SLC39A11: variants seen among roughly 807,000 people sequenced by gnomAD.
The protein encoded by SLC39A11 is zinc transporter ZIP11.
In SLC39A11, 33 loss-of-function variants were observed where a neutral mutation model predicts 36.1. That is an observed-to-expected ratio of 0.91 (90% CI 0.69 to 1.22). The LOEUF (loss-of-function observed/expected upper bound fraction) is 1.22. Among genes scored for constraint, SLC39A11 ranks in the 50% most tolerant of loss-of-function variants. The probability of loss-of-function intolerance (pLI) is 0.00; values close to 1 mark genes in which losing one functional copy is unlikely to be tolerated. For synonymous variants in SLC39A11, 166 were observed against 170.3 expected (o/e 0.97, Z 0.20); for missense variants, 432 against 430.3 (o/e 1.00, Z -0.03).
chr17:72,818,982 A>C (rs546205552), intron 6 of SLC39A11: 1 of 151,286 alleles, frequency 6.6e-6, no homozygotes, highest in East Asian at 1.9e-4. Context: ...GCCCTATTAT[A>C]AGGTTTTTTT....
intron 5 of SLC39A11, among the ~76,000 whole-genome samples, chr17:72,883,830 G>T (rs536516131): frequency 5.5e-4 from 84 of 152,236 alleles, no homozygotes; most frequent in Non-Finnish European, 9.9e-4. Flanking sequence ...CCCAAGTAGG[G>T]CCTGGTCTTT....
intron 4 of SLC39A11, among the ~76,000 whole-genome samples, chr17:72,951,613 G>C (rs1598559667): frequency 6.6e-6 from 1 of 152,148 alleles, no homozygotes; most frequent in Non-Finnish European, 1.5e-5. Flanking sequence ...AAGAGTGTCA[G>C]GTAGTGATAA....
intron 5 of SLC39A11, among the ~76,000 whole-genome samples, chr17:72,909,753 T>TTTTC (rs1555626986): frequency 3.1e-5 from 3 of 96,718 alleles, no homozygotes; most frequent in Non-Finnish European, 7.1e-5. Context: ...CTTTTTTCTT[T>TTTTC]TTTTTTTTTT....
intron 4 of SLC39A11, among the ~76,000 whole-genome samples, chr17:73,004,227 G>GAA (rs1203968791): frequency 1.1e-5 from 1 of 92,440 alleles, no homozygotes; most frequent in Non-Finnish European, 2.4e-5. Context: ...AAGAAAGAAA[G>GAA]AAAGAAAAGA....
chr17:72,939,383 C>T (rs1024497683), intron 5 of SLC39A11, among the ~76,000 whole-genome samples: 15 of 150,572 alleles, frequency 1.0e-4, no homozygotes, highest in Admixed American at 2.7e-4. Context: ...TGCTTGAACC[C>T]GGGAGGCGGA....
intron 3 of SLC39A11, among the ~76,000 whole-genome samples, chr17:73,051,870 C>T (rs2059515373): frequency 6.8e-6 from 1 of 147,774 alleles, no homozygotes. Context: ...AAGCAAAAAG[C>T]AAAAAGTTTG....
intron 5 of SLC39A11, among the ~76,000 whole-genome samples, chr17:72,885,170 T>G (rs748434932): frequency 3.9e-5 from 6 of 152,188 alleles, no homozygotes; most frequent in Non-Finnish European, 8.8e-5. Flanking sequence ...AATCAGCTTA[T>G]AGGTTTTCCC....
chr17:72,657,166 C>T (rs989583232), intron 7 of SLC39A11, among the ~76,000 whole-genome samples: 1 of 152,076 alleles, frequency 6.6e-6, no homozygotes, highest in African/African-American at 2.4e-5. Flanking sequence ...TCAAGACCAG[C>T]CTGGTCAACA....
intron 7 of SLC39A11, among the ~76,000 whole-genome samples, chr17:72,685,979 T>C (rs1038537803): frequency 5.3e-5 from 8 of 151,710 alleles, no homozygotes; most frequent in Admixed American, 1.3e-4. Context: ...AAGATTGCAG[T>C]GAGCTATGAT....
intron 4 of SLC39A11, among the ~76,000 whole-genome samples, chr17:72,949,051 T>C (rs529168791): frequency 2.7e-5 from 4 of 146,500 alleles, no homozygotes; most frequent in African/African-American, 9.8e-5. Flanking sequence ...GGCAGAATCA[T>C]CTCAATTGGC....
intron 4 of SLC39A11, among the ~76,000 whole-genome samples, chr17:73,018,273 G>A (rs1259181818): frequency 6.6e-6 from 1 of 152,156 alleles, no homozygotes; most frequent in East Asian, 1.9e-4. Flanking sequence ...ATTCAGCCAG[G>A]TGCAGTGGCT....
intron 5 of SLC39A11, among the ~76,000 whole-genome samples, chr17:72,891,281 C>A (rs1302586671): frequency 1.3e-5 from 2 of 152,020 alleles, no homozygotes; most frequent in African/African-American, 4.8e-5. Flanking sequence ...ATTAGCTGGG[C>A]GTGGTGGCAC....
At chr17:72,854,875 T>C (rs2079555163) in intron 5 of SLC39A11, among the ~76,000 whole-genome samples, 1 of 152,196 alleles carries the variant, frequency 6.6e-6, no homozygotes, top group South Asian at 2.1e-4. Context: ...TCTTTTCTGA[T>C]GCATCCGCTT....
chr17:72,744,177 G>A lies in SLC39A11; in HGVS notation c.602-7458C>T, dbSNP rs74760553. ...ATTTAAGGTTCTTGCAAAAATGAAAGGGGGATAACACTGCTTTGCTTACAG... is the reference window on the plus strand; with the variant it reads ...ATTTAAGGTTCTTGCAAAAATGAAAAGGGGATAACACTGCTTTGCTTACAG... On this transcript the variant is annotated intron_variant, in intron 6 of 9. Transcript: ENST00000255559. Among the ~76,000 whole-genome samples, 1,262 of 152,312 alleles carry A rather than the reference G, an allele frequency of 8.3e-3. 19 individuals are homozygous for A. The highest frequency in any genetic ancestry group is 0.029 in the African/African-American group (1,219 of 41,562).
intron 4 of SLC39A11, among the ~76,000 whole-genome samples, chr17:72,954,343 A>AAAGGCC (rs1159286480): frequency 6.6e-6 from 1 of 152,256 alleles, no homozygotes; most frequent in Admixed American, 6.5e-5. Flanking sequence ...CTCCCTGAGG[A>AAAGGCC]AAGGCCAAGG....
chr17:72,915,334 T>C (rs146735233), intron 5 of SLC39A11, among the ~76,000 whole-genome samples: 119 of 152,248 alleles, frequency 7.8e-4, no homozygotes, highest in African/African-American at 2.8e-3. Flanking sequence ...CCACCAGAAT[T>C]GTTCAAACTA....
chr17:72,696,027 C>T (rs35448283), intron 7 of SLC39A11, among the ~76,000 whole-genome samples: 18,138 of 152,246 alleles, frequency 0.12, 1,378 homozygotes, highest in African/African-American at 0.21. Context: ...GGCACCACCA[C>T]ACCTGGATGC....
rs368281385 is a variant in SLC39A11, at chr17:73,000,313, T to C, written c.306+31243A>G. ...TCTGCCTTCTCTCTCTCTCTCTCAA[T>C]CCCTCTCCTCTCATCTCTCTTCTCC... On this transcript the variant is annotated intron_variant, in intron 4 of 9. Transcript: ENST00000255559. Among the ~76,000 whole-genome samples the C allele has an allele frequency of 4.1e-5, 6 of 146,362 alleles. No individual in the cohort carries two copies. The East Asian group carries it at 6.2e-4, about 15-fold the overall frequency.
chr17:72,955,449 C>T lies in SLC39A11; in HGVS notation c.307-7574G>A, dbSNP rs1032242462. ...TCTCGAGTAGTTGGGACTACAAGCACGCAACACCACGTCTGGCTAATTTTT... is the reference window on the plus strand; with the variant it reads ...TCTCGAGTAGTTGGGACTACAAGCATGCAACACCACGTCTGGCTAATTTTT... On this transcript the variant is annotated intron_variant, in intron 4 of 9. Transcript: ENST00000255559. Among the ~76,000 whole-genome samples the T allele has an allele frequency of 6.0e-5, 9 of 149,176 alleles. No homozygotes were observed. In the South Asian group the frequency reaches 1.5e-3, roughly 25 times the overall value.
Sources: gnomAD v4.1 joint callset for allele counts (sites outside exome capture counted in the v4.1 genomes callset) on GRCh38, gnomAD v4.1.1 for gene constraint, MANE v1.5 for transcripts, NCBI Gene and HGNC (gene_info 2026-07-23, HGNC 2026-07-21) for gene names.